XIRP2: variants seen among roughly 807,000 people sequenced by gnomAD.
XIRP2 encodes the protein xin actin binding repeat containing 2.
Under a neutral mutation model 277.0 loss-of-function variants are expected in XIRP2, and 236 were observed. That is an observed-to-expected ratio of 0.85 (90% CI 0.77 to 0.95). XIRP2 has a LOEUF of 0.95. Ranked by LOEUF, XIRP2 falls within the 40% of genes least tolerant of loss-of-function variation. XIRP2 has a pLI of 0.00. For synonymous variants in XIRP2, 1,490 were observed against 1,416.5 expected (o/e 1.05, Z -1.17); for missense variants, 4,640 against 4,157.5 (o/e 1.12, Z -3.19).
At chr2:167,127,195 T>A (rs947363761) in intron 2 of XIRP2, among the ~76,000 whole-genome samples, 9 of 152,206 alleles carry the variant, frequency 5.9e-5, no homozygotes, top group African/African-American at 2.2e-4. Context: ...CTTTGCACTC[T>A]TCCCTGACTT....
Position 167,251,483 on chromosome 2 carries a change from T to A in XIRP2, c.10091T>A (p.Ile3364Lys). The A allele has an allele frequency of 6.2e-7, 1 of 1,613,504 alleles. No homozygotes were observed. Reference sequence around the variant, plus strand: ...GCAAAGGGAGAAACAAACCATAACATACAACAAGAAAGTCGTACATTTTGT... The same window carrying A: ...GCAAAGGGAGAAACAAACCATAACAAACAACAAGAAAGTCGTACATTTTGT... ...VYAKGETNHN[I>K]QQESRTFCKE... Residue 3364 changes from isoleucine to lysine, a missense_variant, in exon 9 of 11, where the codon ATA becomes AAA. Physicochemically the swap from Ile to Lys is moderately radical, Grantham distance 102 (BLOSUM62 -3). Transcript: ENST00000409195.
chr2:167,053,965 G>A (rs1336708888), intron 2 of XIRP2, among the ~76,000 whole-genome samples: 1 of 152,136 alleles, frequency 6.6e-6, no homozygotes, highest in Non-Finnish European at 1.5e-5. Flanking sequence ...GAAACGATCT[G>A]TATTATGGTT....
chr2:167,095,422 C>T (rs1338895888), intron 2 of XIRP2, among the ~76,000 whole-genome samples: 1 of 152,100 alleles, frequency 6.6e-6, no homozygotes, highest in East Asian at 1.9e-4. Context: ...CCAGCTTTTG[C>T]CCATTCAGTA....
At chr2:167,015,977 C>T (rs892403287) in intron 2 of XIRP2, among the ~76,000 whole-genome samples, 1 of 151,836 alleles carries the variant, frequency 6.6e-6, no homozygotes, top group African/African-American at 2.4e-5. Context: ...ATATCCAACT[C>T]TCTCTTCCAT....
intron 2 of XIRP2, among the ~76,000 whole-genome samples, chr2:167,013,088 T>C (rs997411139): frequency 6.6e-6 from 1 of 151,448 alleles, no homozygotes; most frequent in Non-Finnish European, 1.5e-5. Context: ...TTAAATTGTG[T>C]ACCCAAACTA....
chr2:166,894,796 A>T (rs1447317849), intron 1 of XIRP2, among the ~76,000 whole-genome samples: 1 of 152,214 alleles, frequency 6.6e-6, no homozygotes, highest in African/African-American at 2.4e-5. Flanking sequence ...GGGAACAGAC[A>T]TTAATAAAAT....
chr2:167,033,119 G>A (rs1688412514), intron 2 of XIRP2, among the ~76,000 whole-genome samples: 1 of 151,952 alleles, frequency 6.6e-6, no homozygotes, highest in African/African-American at 2.4e-5. Context: ...CTATAAAAAA[G>A]GATGAGTTCA....
chr2:167,135,777 G>A (rs543563046), intron 2 of XIRP2, 132 bp from the exon 3 acceptor site: 176 of 815,306 alleles, frequency 2.2e-4, no homozygotes, highest in Non-Finnish European at 3.0e-4. Context: ...CATTTTACCT[G>A]AAGCATATTG....
intron 1 of XIRP2, among the ~76,000 whole-genome samples, chr2:166,896,863 C>G (rs1684257004): frequency 6.6e-6 from 1 of 152,066 alleles, no homozygotes; most frequent in South Asian, 2.1e-4. Flanking sequence ...ATCTTTTATA[C>G]TATATTTTTA....
In XIRP2 at chr2:167,105,235, T is replaced by C. The variant is rs1434907223; in HGVS notation, c.409-30674T>C. Among the ~76,000 whole-genome samples, 7 of 151,934 alleles carry C rather than the reference T, an allele frequency of 4.6e-5. No homozygotes were observed. The East Asian group carries it at 9.6e-4, about 21-fold the overall frequency. ...CAATGTTACAACCCCAGTATTCGCA[T>C]TGATACAGTCAAGATACATATTTCC... On this transcript the variant is annotated intron_variant, in intron 2 of 10. Transcript: ENST00000409195.
intron 2 of XIRP2, among the ~76,000 whole-genome samples, chr2:167,063,247 C>T (rs1358365169): frequency 2.0e-5 from 3 of 151,782 alleles, no homozygotes; most frequent in Non-Finnish European, 4.4e-5. Flanking sequence ...TCTAGAATAA[C>T]GTTTTTGTGT....
At chr2:167,158,760 T>G (rs2105338415) in intron 3 of XIRP2, among the ~76,000 whole-genome samples, 1 of 152,314 alleles carries the variant, frequency 6.6e-6, no homozygotes, top group East Asian at 1.9e-4. Flanking sequence ...AAAATAACCA[T>G]TTAGATTTTA....
chr2:166,975,930 C>CA (rs550529718), intron 2 of XIRP2, among the ~76,000 whole-genome samples: 2,236 of 45,702 alleles, frequency 0.049, 330 homozygotes, highest in Non-Finnish European at 0.061. Context: ...GACTCCGTCT[C>CA]AAAAAAAAAA....
intron 2 of XIRP2, among the ~76,000 whole-genome samples, chr2:166,925,624 T>TAC (rs1685167786): frequency 1.4e-5 from 2 of 139,452 alleles, no homozygotes; most frequent in Admixed American, 1.4e-4. Context: ...TATATATATA[T>TAC]ATACATATAA....
At chr2:166,890,963 G>A (rs755732585) in intron 1 of XIRP2, among the ~76,000 whole-genome samples, 15 of 152,080 alleles carry the variant, frequency 9.9e-5, no homozygotes, top group Non-Finnish European at 1.5e-4. Context: ...TATGGTTGAG[G>A]GTGCACTTCT....
intron 2 of XIRP2, among the ~76,000 whole-genome samples, chr2:167,028,751 G>T (rs1236743384): frequency 6.6e-6 from 1 of 151,826 alleles, no homozygotes; most frequent in Non-Finnish European, 1.5e-5. Context: ...AAGAATGACA[G>T]AGATATTTGA....
At chr2:167,237,113 G>T (rs1001052788) in intron 5 of XIRP2, among the ~76,000 whole-genome samples, 2 of 152,106 alleles carry the variant, frequency 1.3e-5, no homozygotes, top group African/African-American at 4.8e-5. Context: ...CATAAATGCT[G>T]AAGTAGAAAC....
intron 2 of XIRP2, among the ~76,000 whole-genome samples, chr2:166,951,156 T>C (rs766485184): frequency 4.6e-5 from 7 of 152,206 alleles, no homozygotes; most frequent in Non-Finnish European, 7.4e-5. Context: ...TATGCAAACA[T>C]TTAAGCATTC....
intron 3 of XIRP2, among the ~76,000 whole-genome samples, chr2:167,145,132 A>C (rs1691827592): frequency 6.6e-6 from 1 of 152,176 alleles, no homozygotes; most frequent in African/African-American, 2.4e-5. Flanking sequence ...ATATTTCCCA[A>C]TGGAAAAATA....
Sources: allele counts gnomAD v4.1 joint callset (sites outside exome capture counted in the v4.1 genomes callset), GRCh38; gene constraint gnomAD v4.1.1; transcripts MANE v1.5; gene names NCBI Gene and HGNC (gene_info 2026-07-23, HGNC 2026-07-21).